Variants in WDR89 observed in about 807,000 individuals in gnomAD.
WDR89 encodes the protein WD repeat-containing protein 89.
WDR89 carries 17 observed loss-of-function variants against 29.1 expected under a neutral mutation model. The observed-to-expected ratio is 0.58, with a 90% CI of 0.40 to 0.88. The LOEUF is 0.88. WDR89 is among the 40% of genes least tolerant of loss of function. WDR89 has a pLI of 0.00. For missense variants in WDR89, 396 were observed against 456.3 expected (o/e 0.87, Z 1.20); for synonymous variants, 138 against 157.8 (o/e 0.87, Z 0.94).
intron 1 of WDR89, among the ~76,000 whole-genome samples, chr14:63,628,274 T>C (rs1021827476): frequency 1.3e-5 from 2 of 152,196 alleles, no homozygotes; most frequent in East Asian, 3.8e-4. Flanking sequence ...ACTTAGTTTC[T>C]TTTTTAGAAT....
chr14:63,600,717 C>CAAAAAAAAAAA (rs56059698), intron 2 of WDR89, among the ~76,000 whole-genome samples: 6 of 36,208 alleles, frequency 1.7e-4, no homozygotes, highest in South Asian at 1.9e-3. Context: ...GATATGTAGG[C>CAAAAAAAAAAA]AAAAAAAAAA....
At chr14:63,603,830 G>A (rs776562369) in intron 2 of WDR89, among the ~76,000 whole-genome samples, 8 of 152,258 alleles carry the variant, frequency 5.3e-5, no homozygotes, top group East Asian at 1.9e-4. Flanking sequence ...TTCCAGTAAC[G>A]CTGGGGTAGT....
At chr14:63,615,741 A>G (rs1020494587) in intron 2 of WDR89, among the ~76,000 whole-genome samples, 4 of 152,142 alleles carry the variant, frequency 2.6e-5, no homozygotes, top group Admixed American at 2.0e-4. Flanking sequence ...CCTGGCCAAC[A>G]TGGCGAAACC....
At chr14:63,619,992 G>A (rs1460450726) in intron 2 of WDR89, among the ~76,000 whole-genome samples, 11 of 127,266 alleles carry the variant, frequency 8.6e-5, no homozygotes, top group African/African-American at 3.1e-4. Context: ...GTGACAGAGC[G>A]AGACTCCATC....
At chr14:63,605,152 G>C (rs1174527623) in intron 2 of WDR89, among the ~76,000 whole-genome samples, 2 of 137,766 alleles carry the variant, frequency 1.5e-5, no homozygotes, top group Non-Finnish European at 3.0e-5. Flanking sequence ...CGTGCTGTCT[G>C]TCTCTCTCTC....
intron 2 of WDR89, among the ~76,000 whole-genome samples, chr14:63,605,058 G>C (rs1895246698): frequency 6.6e-6 from 1 of 152,064 alleles, no homozygotes; most frequent in Non-Finnish European, 1.5e-5. Context: ...GCTGAGGCAG[G>C]GGAATGCTTG....
chr14:63,626,280 C>G (rs983388973), intron 1 of WDR89, among the ~76,000 whole-genome samples: 2 of 152,078 alleles, frequency 1.3e-5, no homozygotes, highest in East Asian at 1.9e-4. Context: ...GGTTAATACC[C>G]TTACTATGCA....
At position 63,621,936 on chromosome 14, in the gene WDR89, G is replaced by T. The variant is rs367624500; in HGVS notation, c.-32+2992C>A. Reference sequence around the variant, plus strand: ...GAGAAGATTCACTGCCAGCAAAACTGTTGCTGTTAAACTGTTATTCAGGCA... The same window carrying T: ...GAGAAGATTCACTGCCAGCAAAACTTTTGCTGTTAAACTGTTATTCAGGCA... On this transcript the variant is annotated intron_variant, in intron 2 of 2. Transcript: ENST00000620954. 2.6e-5 allele frequency: 4 copies of T among 152,276 alleles called. No homozygotes were observed. In the East Asian group the frequency reaches 7.7e-4, roughly 29 times the overall value. 9.4% of individuals were successfully genotyped at this position (152,276 alleles called of 1,614,324 possible).
chr14:63,625,881 G>A (rs1034702150), intron 1 of WDR89, among the ~76,000 whole-genome samples: 113 of 147,510 alleles, frequency 7.7e-4, no homozygotes, highest in Non-Finnish European at 1.5e-3. Context: ...TTTTGAGACA[G>A]TCTAGCTCTG....
rs1247690789 is a variant in WDR89 at position 63,597,407 on chromosome 14, CTTT to C, written c.*1369_*1371del. The C allele has an allele frequency of 6.6e-6, 1 of 152,160 alleles. No individual in the cohort carries two copies. The highest frequency in any genetic ancestry group is 1.5e-5 in the Non-Finnish European group (1 of 68,016). The allele number at this position is 152,160 out of a possible 1,614,324, so 9.4% of individuals were successfully genotyped here. A position where few individuals can be genotyped will look rare whatever the true frequency, so the allele number is the denominator to read the frequency against. ...TTCTAATAACCCACTGCCCCCATTT[CTTT>C]TTTAACTTTTTTCACTTTCTAAAAC... On this transcript the variant is annotated 3_prime_UTR_variant, in exon 3 of 3. Transcript: ENST00000620954.
At chr14:63,625,880 A>G (rs1883005899) in intron 1 of WDR89, among the ~76,000 whole-genome samples, 1 of 150,298 alleles carries the variant, frequency 6.7e-6, no homozygotes, top group Non-Finnish European at 1.5e-5. Context: ...TTTTTGAGAC[A>G]GTCTAGCTCT....
chr14:63,604,119 A>G, intron 2 of WDR89, among the ~76,000 whole-genome samples: 1 of 152,182 alleles, frequency 6.6e-6, no homozygotes, highest in African/African-American at 2.4e-5. Context: ...ACCCTGTTTC[A>G]CTAATTTAAA....
At chr14:63,622,302 G>A (rs535506861) in intron 2 of WDR89, among the ~76,000 whole-genome samples, 3 of 151,668 alleles carry the variant, frequency 2.0e-5, no homozygotes, top group Admixed American at 6.6e-5. Flanking sequence ...CCAGGCAGCC[G>A]GGCGTGGTGG....
At chr14:63,607,922 A>G (rs1283496075) in intron 2 of WDR89, among the ~76,000 whole-genome samples, 3 of 150,380 alleles carry the variant, frequency 2.0e-5, no homozygotes, top group African/African-American at 4.9e-5. Context: ...AAGAAACCCC[A>G]GGCCGGGCGC....
intron 2 of WDR89, among the ~76,000 whole-genome samples, chr14:63,614,642 G>A (rs1341056364): frequency 6.6e-6 from 1 of 152,170 alleles, no homozygotes; most frequent in Non-Finnish European, 1.5e-5. Context: ...GGGATAAAAA[G>A]CATACACTGG....
In WDR89 at chr14:63,599,102, G is replaced by C. The variant is rs781569591; in HGVS notation, c.841C>G (p.Leu281Val). ...EDALDYLIGG[L>V]YHEKTDTLHV... ...AATGTGTCTGTCTTTTCATGATATA[G>C]GCCACCAATCAAATAGTCCAAAGCA... Residue 281 changes from leucine to valine, a missense_variant, in exon 3 of 3, where the codon CTA becomes GTA. Coordinates refer to ENST00000620954, the MANE Select transcript of WDR89 (RefSeq NM_080666.4). 6.2e-6 allele frequency: 10 copies of C among 1,613,932 alleles called. No homozygotes were observed. Among genetic ancestry groups the C allele is most frequent in the Non-Finnish European group, 7.6e-6 (9 of 1,180,028 alleles).
intron 2 of WDR89, among the ~76,000 whole-genome samples, chr14:63,610,955 C>T (rs950681242): frequency 3.3e-5 from 5 of 152,066 alleles, no homozygotes; most frequent in African/African-American, 1.2e-4. Flanking sequence ...CCGCCTTGGC[C>T]TCCCAAAGTG....
chr14:63,608,698 A>ACACACACACAC (rs1566791808), intron 2 of WDR89, among the ~76,000 whole-genome samples: 2 of 150,196 alleles, frequency 1.3e-5, no homozygotes, highest in African/African-American at 2.5e-5. Flanking sequence ...ACACACACAC[A>ACACACACACAC]AATAGGTTTA....
chr14:63,632,831 G>A lies in WDR89; in HGVS notation c.-137-7798C>T, dbSNP rs530208766. 1.6e-4 allele frequency among the ~76,000 whole-genome samples: 24 copies of A among 152,200 alleles called. 2 individuals carry two copies. The South Asian group carries it at 4.6e-3, about 29-fold the overall frequency. ...ATATTAACTGATCATTACCATTCTC[G>A]GTTACCATGTCAGCCTCTGCACATG... On this transcript the variant is annotated intron_variant, in intron 1 of 2. Coordinates refer to ENST00000620954, the MANE Select transcript of WDR89 (RefSeq NM_080666.4).
Sources: gnomAD v4.1 joint callset for allele counts (sites outside exome capture counted in the v4.1 genomes callset) on GRCh38, gnomAD v4.1.1 for gene constraint, MANE v1.5 for transcripts, NCBI Gene and HGNC (gene_info 2026-07-23, HGNC 2026-07-21) for gene names.